Variants in LRRC37A2 observed in about 807,000 individuals in gnomAD.
LRRC37A2 encodes leucine rich repeat containing 37 member A2, also known as leucine-rich repeat-containing protein 37A2.
LRRC37A2 carries 9 observed loss-of-function variants against 68.8 expected under a neutral mutation model. The observed-to-expected ratio is 0.13, with a 90% confidence interval of 0.08 to 0.23. The LOEUF (loss-of-function observed/expected upper bound fraction) is 0.23. Ranked by LOEUF, LRRC37A2 falls within the 10% of genes least tolerant of loss-of-function variation. The pLI, the probability that LRRC37A2 is intolerant of heterozygous loss-of-function variation, is 1.00. For synonymous variants in LRRC37A2, 63 were observed against 367.6 expected, an observed-to-expected ratio of 0.17 and a Z score of 9.48; for missense variants, 168 against 950.4, an observed-to-expected ratio of 0.18 and a Z score of 10.82.
chr17:47,008,358 G>A, the LRRC37A2 span, among the ~76,000 whole-genome samples: 74 of 152,106 alleles, frequency 4.9e-4, no homozygotes, highest in Middle Eastern at 3.4e-3. Flanking sequence ...TGATCCGCCC[G>A]GCTTGGCCTC....
At chr17:46,723,767 A>C in the LRRC37A2 span, among the ~76,000 whole-genome samples, 1 of 152,160 alleles carries the variant, frequency 6.6e-6, no homozygotes, top group Non-Finnish European at 1.5e-5. Flanking sequence ...ACTTACCAGC[A>C]CACCCACTCC....
chr17:46,979,564 G>A, the LRRC37A2 span, among the ~76,000 whole-genome samples: 1 of 152,116 alleles, frequency 6.6e-6, no homozygotes, highest in Admixed American at 6.5e-5. Flanking sequence ...GACTCTCTTC[G>A]CTTATTATTT....
chr17:46,940,079 TTC>T, the LRRC37A2 span: 1 of 1,117,444 alleles, frequency 8.9e-7, no homozygotes, highest in Non-Finnish European at 1.1e-6. Context: ...TTGAACTGTC[TTC>T]TGTCTTATTT....
At chr17:46,997,897 G>A in the LRRC37A2 span, among the ~76,000 whole-genome samples, 1 of 151,508 alleles carries the variant, frequency 6.6e-6, no homozygotes, top group African/African-American at 2.4e-5. Flanking sequence ...TTGAACCCAG[G>A]AGGCAGAGGT....
chr17:46,871,264 C>G, the LRRC37A2 span, among the ~76,000 whole-genome samples: 23 of 152,254 alleles, frequency 1.5e-4, no homozygotes, highest in Non-Finnish European at 1.6e-4. Context: ...AGGGTTACTT[C>G]TCTTGGGCTG....
At chr17:46,803,676 C>T in the LRRC37A2 span, among the ~76,000 whole-genome samples, 1 of 152,242 alleles carries the variant, frequency 6.6e-6, no homozygotes, top group Non-Finnish European at 1.5e-5. Context: ...GCAGCCTGCC[C>T]ATCCCTTCTG....
chr17:46,922,956 G>C, the LRRC37A2 span: 1 of 596,830 alleles, frequency 1.7e-6, no homozygotes, highest in Non-Finnish European at 3.0e-6. Context: ...CATGTACACC[G>C]CCTTGCCCTT....
the LRRC37A2 span, among the ~76,000 whole-genome samples, chr17:46,894,044 C>T: frequency 6.6e-6 from 1 of 152,214 alleles, no homozygotes; most frequent in Non-Finnish European, 1.5e-5. Context: ...GAATTCGCCC[C>T]CAAGATTTGG....
the LRRC37A2 span, among the ~76,000 whole-genome samples, chr17:46,857,631 G>A: frequency 1.5e-4 from 23 of 152,116 alleles, no homozygotes; most frequent in African/African-American, 4.6e-4. Flanking sequence ...GGATCAGATG[G>A]TTGATATATG....
intron 8 of LRRC37A2, among the ~76,000 whole-genome samples, chr17:46,541,903 A>G (rs1423812951): frequency 6.7e-6 from 1 of 148,922 alleles, no homozygotes; most frequent in Non-Finnish European, 1.5e-5. Context: ...CCGAGGGACA[A>G]CTGTTCACTC....
the LRRC37A2 span, among the ~76,000 whole-genome samples, chr17:47,008,098 A>G: frequency 4.0e-5 from 6 of 151,592 alleles, no homozygotes; most frequent in Non-Finnish European, 7.4e-5. Context: ...ATTTTGATGT[A>G]CAAATTTAAT....
chr17:46,849,869 A>G, the LRRC37A2 span, among the ~76,000 whole-genome samples: 1 of 126,182 alleles, frequency 7.9e-6, no homozygotes. Context: ...TTGTTTTGAG[A>G]TGGAGTCCCA....
the LRRC37A2 span, among the ~76,000 whole-genome samples, chr17:46,863,339 C>T: frequency 1.3e-5 from 2 of 152,230 alleles, no homozygotes; most frequent in African/African-American, 4.8e-5. Context: ...ATGCAGCCAG[C>T]AGGTGTCTGT....
the LRRC37A2 span, among the ~76,000 whole-genome samples, chr17:46,880,939 C>T: frequency 6.6e-6 from 1 of 152,206 alleles, no homozygotes; most frequent in Non-Finnish European, 1.5e-5. Flanking sequence ...CGGGATGAAG[C>T]CAACCAGGGG....
At chr17:46,932,912 A>G in the LRRC37A2 span, 1 of 152,364 alleles carries the variant, frequency 6.6e-6, no homozygotes, top group Non-Finnish European at 1.5e-5. Context: ...TTTTCTAAAG[A>G]GATGTTAGCT....
chr17:46,553,068 CAG>C (rs2056951524), intron 11 of LRRC37A2: 1 of 244,096 alleles, frequency 4.1e-6, no homozygotes, highest in African/African-American at 2.8e-5. Flanking sequence ...GCGTAAGCAA[CAG>C]AGGGCAATCC....
At chr17:46,811,388 G>A in the LRRC37A2 span, among the ~76,000 whole-genome samples, 3 of 152,328 alleles carry the variant, frequency 2.0e-5, no homozygotes, top group Admixed American at 2.0e-4. Context: ...GCATTGGGGT[G>A]ACTCTCTGAG....
the LRRC37A2 span, among the ~76,000 whole-genome samples, chr17:46,500,684 T>C: frequency 6.6e-6 from 1 of 151,214 alleles, no homozygotes; most frequent in South Asian, 2.1e-4. Flanking sequence ...AGTAGCAAGG[T>C]TGTTTTTTGT....
chr17:46,502,914 T>G, the LRRC37A2 span, among the ~76,000 whole-genome samples: 1 of 150,696 alleles, frequency 6.6e-6, no homozygotes, highest in African/African-American at 2.5e-5. Flanking sequence ...ACTCAACGTT[T>G]AAAAATTAGT....
Sources: gnomAD v4.1 joint callset for allele counts (sites outside exome capture counted in the v4.1 genomes callset) on GRCh38, gnomAD v4.1.1 for gene constraint, MANE v1.5 for transcripts, NCBI Gene and HGNC (gene_info 2026-07-23, HGNC 2026-07-21) for gene names.